The following ME3 variants were observed in gnomAD, a reference collection of about 807,000 sequenced individuals.
ME3 encodes the protein NADP-dependent malic enzyme, mitochondrial.
A neutral mutation model predicts 68.9 loss-of-function variants in ME3; 48 were observed. That is an observed-to-expected ratio of 0.70 (90% CI 0.55 to 0.89). The LOEUF is 0.89. ME3 is among the 40% of genes least tolerant of loss of function. The pLI is 0.00. For missense variants in ME3, 675 were observed against 797.4 expected (o/e 0.85, Z 1.85); for synonymous variants, 320 against 318.8 (o/e 1.00, Z -0.04).
intron 4 of ME3, among the ~76,000 whole-genome samples, chr11:86,533,547 G>C (rs12421147): frequency 0.17 from 25,492 of 152,052 alleles, 2,347 homozygotes; most frequent in African/African-American, 0.24. Context: ...CAGCTTCACT[G>C]TTGAATTCTA....
chr11:86,620,264 C>G (rs1043666586), intron 2 of ME3, among the ~76,000 whole-genome samples: 4 of 152,158 alleles, frequency 2.6e-5, no homozygotes, highest in Non-Finnish European at 5.9e-5. Flanking sequence ...TTATTCTTAA[C>G]TAAATAACTA....
intron 2 of ME3, among the ~76,000 whole-genome samples, chr11:86,561,254 CT>C (rs1432035293): frequency 6.6e-6 from 1 of 152,050 alleles, no homozygotes; most frequent in African/African-American, 2.4e-5. Context: ...CTTTCTGGCA[CT>C]ACAAGATGCT....
chr11:86,652,774 G>A (rs896818172), intron 2 of ME3, among the ~76,000 whole-genome samples: 1 of 152,126 alleles, frequency 6.6e-6, no homozygotes. Flanking sequence ...TGGGCTAAAT[G>A]CTCCAATTGA....
chr11:86,538,153 T>A (rs977677403), intron 4 of ME3, among the ~76,000 whole-genome samples: 1 of 152,202 alleles, frequency 6.6e-6, no homozygotes, highest in Non-Finnish European at 1.5e-5. Flanking sequence ...TGTGGTTGTT[T>A]GGGGAGAGGG....
At chr11:86,452,779 A>C (rs886722805) in intron 8 of ME3, among the ~76,000 whole-genome samples, 4 of 152,162 alleles carry the variant, frequency 2.6e-5, no homozygotes, top group Admixed American at 6.5e-5. Context: ...TTAATTCCAC[A>C]TGTTAGTCTT....
At chr11:86,598,776 C>G (rs1358556525) in intron 2 of ME3, among the ~76,000 whole-genome samples, 1 of 152,202 alleles carries the variant, frequency 6.6e-6, no homozygotes, top group African/African-American at 2.4e-5. Context: ...TATCAGACAG[C>G]AGCATTCGCG....
intron 8 of ME3, among the ~76,000 whole-genome samples, chr11:86,453,806 T>G (rs2138648801): frequency 6.6e-6 from 1 of 152,320 alleles, no homozygotes; most frequent in South Asian, 2.1e-4. Context: ...GAACCCGGTT[T>G]GCAGTTTGGC....
intron 2 of ME3, among the ~76,000 whole-genome samples, chr11:86,560,164 T>C (rs1220585563): frequency 2.6e-5 from 4 of 152,196 alleles, no homozygotes; most frequent in African/African-American, 9.7e-5. Context: ...GTAATCCAAA[T>C]CCATAGTCCC....
chr11:86,613,855 G>A (rs1004401642), intron 2 of ME3, among the ~76,000 whole-genome samples: 1 of 152,086 alleles, frequency 6.6e-6, no homozygotes, highest in Admixed American at 6.6e-5. Context: ...CATCCTCATG[G>A]GTAGGAAGAA....
intron 2 of ME3, among the ~76,000 whole-genome samples, chr11:86,566,207 T>C (rs1957473265): frequency 6.6e-6 from 1 of 152,234 alleles, no homozygotes; most frequent in African/African-American, 2.4e-5. Flanking sequence ...GGCCTGCTAA[T>C]GTAACCCCTG....
chr11:86,671,791 C>T, exon 2 of ME3: 1 of 1,603,666 alleles, frequency 6.2e-7, no homozygotes. Flanking sequence ...CTGGTGACAT[C>T]GTATCCGCGC....
chr11:86,631,881 C>CA (rs1234887618), intron 2 of ME3, among the ~76,000 whole-genome samples: 1 of 152,048 alleles, frequency 6.6e-6, no homozygotes, highest in East Asian at 1.9e-4. Context: ...TACAGGCACC[C>CA]ACCATCATGA....
intron 8 of ME3, among the ~76,000 whole-genome samples, chr11:86,450,707 A>C (rs1949579263): frequency 6.6e-6 from 1 of 152,230 alleles, no homozygotes; most frequent in African/African-American, 2.4e-5. Context: ...ATGGAAGACA[A>C]AAAGAAGCAT....
At chr11:86,498,047 G>A (rs1365363309) in exon 6 of ME3, 2 of 1,613,634 alleles carry the variant, frequency 1.2e-6, no homozygotes, top group East Asian at 4.5e-5. Context: ...GGGCCAGCTT[G>A]CCCACAGGGA....
chr11:86,447,187 C>T, exon 12 of ME3: 1 of 1,614,118 alleles, frequency 6.2e-7, no homozygotes, highest in Non-Finnish European at 8.5e-7. Context: ...TCCGTGAAGG[C>T]TCCTGCGATG....
At chr11:86,597,993 C>G (rs569414264) in intron 2 of ME3, among the ~76,000 whole-genome samples, 2 of 152,214 alleles carry the variant, frequency 1.3e-5, no homozygotes, top group South Asian at 2.1e-4. Context: ...AGGAACAGTT[C>G]TGGTCTACAG....
chr11:86,552,938 A>G (rs944399404), intron 4 of ME3, among the ~76,000 whole-genome samples: 2 of 152,092 alleles, frequency 1.3e-5, no homozygotes, highest in African/African-American at 4.8e-5. Context: ...GAGGGAGAGT[A>G]TTCACTGACA....
At chr11:86,451,060 A>G (rs1002583964) in intron 8 of ME3, among the ~76,000 whole-genome samples, 1 of 152,238 alleles carries the variant, frequency 6.6e-6, no homozygotes, top group African/African-American at 2.4e-5. Context: ...TTGTGAATAA[A>G]TGTTGGCACC....
intron 2 of ME3, among the ~76,000 whole-genome samples, chr11:86,648,862 G>A (rs564370107): frequency 9.2e-5 from 14 of 152,208 alleles, no homozygotes; most frequent in South Asian, 4.2e-4. Flanking sequence ...AGGACCAGGC[G>A]GATTCACAGC....
Sources: gnomAD v4.1 joint callset for allele counts (sites outside exome capture counted in the v4.1 genomes callset) on GRCh38, gnomAD v4.1.1 for gene constraint, MANE v1.5 for transcripts, NCBI Gene and HGNC (gene_info 2026-07-23, HGNC 2026-07-21) for gene names.